FHIT: variants seen among roughly 807,000 people sequenced by gnomAD.
FHIT encodes fragile histidine triad diadenosine triphosphatase.
A neutral mutation model predicts 17.9 loss-of-function variants in FHIT; 19 were observed. That is an observed-to-expected ratio of 1.06 (90% CI 0.74 to 1.56). FHIT has a LOEUF of 1.56. FHIT is among the 40% of genes most tolerant of loss of function. The pLI is 0.00. For missense variants in FHIT, 248 were observed against 189.2 expected (o/e 1.31, Z -1.82); for synonymous variants, 81 against 69.7 (o/e 1.16, Z -0.81).
intron 8 of FHIT, among the ~76,000 whole-genome samples, chr3:59,875,890 T>C (rs548104654): frequency 1.3e-4 from 20 of 151,714 alleles, no homozygotes; most frequent in Non-Finnish European, 1.8e-4. Flanking sequence ...GTCAGAGTTT[T>C]TCCCAAGCAC....
intron 3 of FHIT, among the ~76,000 whole-genome samples, chr3:60,861,714 C>T (rs564008560): frequency 2.4e-4 from 37 of 151,672 alleles, no homozygotes; most frequent in Non-Finnish European, 5.0e-4. Flanking sequence ...TGAAATGACA[C>T]TAAAATTTAA....
Position 60,691,376 on chromosome 3 carries a change from C to CT in FHIT, c.-18+130542dup, listed in dbSNP as rs35786045. Among the ~76,000 whole-genome samples, 1,056 of 145,530 alleles carry CT rather than the reference C, an allele frequency of 7.3e-3. 11 individuals carry two copies. Among genetic ancestry groups the CT allele is most frequent in the African/African-American group, 0.022 (868 of 40,006 alleles). ...CCCCTCTTGATTTTTTCTTTTTCTTCTTTTTTTTTTTCTTGAGACAGGGTC... is the reference window on the plus strand; with the variant it reads ...CCCCTCTTGATTTTTTCTTTTTCTTCTTTTTTTTTTTTCTTGAGACAGGGTC... On this transcript the variant is annotated intron_variant, in intron 4 of 9. Transcript: ENST00000492590.
intron 5 of FHIT, among the ~76,000 whole-genome samples, chr3:60,289,122 A>G (rs1157945921): frequency 6.6e-6 from 1 of 152,194 alleles, no homozygotes; most frequent in African/African-American, 2.4e-5. Flanking sequence ...AATTTACTTT[A>G]AAAGAAAGAG....
At chr3:59,920,084 G>C (rs774511069) in intron 8 of FHIT, among the ~76,000 whole-genome samples, 8 of 152,196 alleles carry the variant, frequency 5.3e-5, no homozygotes, top group Non-Finnish European at 8.8e-5. Flanking sequence ...TTTGAATCTG[G>C]TTCTCTATTT....
At chr3:60,939,303 A>C (rs750424865) in intron 3 of FHIT, among the ~76,000 whole-genome samples, 2 of 152,192 alleles carry the variant, frequency 1.3e-5, no homozygotes, top group Non-Finnish European at 2.9e-5. Flanking sequence ...TGGTTAAAGG[A>C]TTTGCACACA....
chr3:61,089,294 C>G (rs1251724715), intron 2 of FHIT, among the ~76,000 whole-genome samples: 2 of 152,122 alleles, frequency 1.3e-5, no homozygotes, highest in African/African-American at 4.8e-5. Flanking sequence ...GCATTAAGTA[C>G]ATTCACAATG....
intron 8 of FHIT, among the ~76,000 whole-genome samples, chr3:59,814,045 T>TACATAC (rs1553685377): frequency 6.8e-6 from 1 of 146,772 alleles, no homozygotes; most frequent in African/African-American, 2.5e-5. Flanking sequence ...AATTTACACA[T>TACATAC]ACACACACAC....
At position 61,205,530 on chromosome 3, in the gene FHIT, G is replaced by A. The variant is rs1275367497; in HGVS notation, c.-212-4865C>T. Among the ~76,000 whole-genome samples, 6 of 152,246 alleles carry A rather than the reference G, an allele frequency of 3.9e-5. No homozygotes were observed. The East Asian group carries it at 9.6e-4, about 24-fold the overall frequency. On this transcript the variant is annotated intron_variant, in intron 1 of 9. Coordinates refer to ENST00000492590, the MANE Select transcript of FHIT (RefSeq NM_002012.4). ...ATTGCCATTCTAACTGGTGTGAGAT[G>A]GTATCTCATTGTGGTTTTGATTTGC...
At chr3:60,930,623 A>G (rs1471524278) in intron 3 of FHIT, among the ~76,000 whole-genome samples, 1 of 152,252 alleles carries the variant, frequency 6.6e-6, no homozygotes, top group African/African-American at 2.4e-5. Context: ...AATGCTGATC[A>G]TCACTGGCCA....
chr3:60,530,318 C>G (rs1576821343), intron 5 of FHIT, among the ~76,000 whole-genome samples: 1 of 152,136 alleles, frequency 6.6e-6, no homozygotes, highest in Non-Finnish European at 1.5e-5. Flanking sequence ...CATGTACATG[C>G]CTCAGGAACA....
intron 4 of FHIT, among the ~76,000 whole-genome samples, chr3:60,581,016 G>C (rs2037733271): frequency 6.6e-6 from 1 of 152,050 alleles, no homozygotes; most frequent in Non-Finnish European, 1.5e-5. Context: ...AGTTCTAATA[G>C]GATTCCAGGT....
At chr3:60,493,657 G>T (rs1381348698) in intron 5 of FHIT, among the ~76,000 whole-genome samples, 3 of 152,018 alleles carry the variant, frequency 2.0e-5, no homozygotes, top group East Asian at 3.9e-4. Context: ...TGGACATAAA[G>T]AAAAAAATCT....
intron 4 of FHIT, among the ~76,000 whole-genome samples, chr3:60,814,106 T>C (rs372283387): frequency 6.6e-6 from 1 of 152,206 alleles, no homozygotes; most frequent in Non-Finnish European, 1.5e-5. Context: ...ACAAAACTTA[T>C]TCATTTTGTC....
At chr3:60,747,622 T>C (rs1392991449) in intron 4 of FHIT, among the ~76,000 whole-genome samples, 2 of 152,192 alleles carry the variant, frequency 1.3e-5, no homozygotes, top group African/African-American at 4.8e-5. Context: ...AAATCTGTTA[T>C]AAGCAACAAA....
intron 2 of FHIT, among the ~76,000 whole-genome samples, chr3:61,084,943 T>C (rs59971851): frequency 0.04 from 6,131 of 152,310 alleles, 221 homozygotes; most frequent in African/African-American, 0.092. Flanking sequence ...CTTCACATAA[T>C]ACTTTTGAAG....
chr3:60,219,323 T>C (rs1285457347), intron 5 of FHIT, among the ~76,000 whole-genome samples: 1 of 152,132 alleles, frequency 6.6e-6, no homozygotes, highest in East Asian at 1.9e-4. Context: ...TGCTTTGTAA[T>C]AGCCCTATAC....
intron 4 of FHIT, among the ~76,000 whole-genome samples, chr3:60,654,687 A>G (rs977787676): frequency 2.0e-5 from 3 of 152,224 alleles, no homozygotes; most frequent in Non-Finnish European, 1.5e-5. Flanking sequence ...CTGATTCTAG[A>G]CACAATGTCT....
intron 3 of FHIT, among the ~76,000 whole-genome samples, chr3:61,014,554 C>T (rs1180502136): frequency 6.6e-6 from 1 of 151,412 alleles, no homozygotes; most frequent in Non-Finnish European, 1.5e-5. Flanking sequence ...CCGAGACGGG[C>T]AGATCATGAG....
chr3:60,654,201 C>T (rs2040063905), intron 4 of FHIT, among the ~76,000 whole-genome samples: 1 of 152,180 alleles, frequency 6.6e-6, no homozygotes, highest in Non-Finnish European at 1.5e-5. Context: ...CCTGCAGAAC[C>T]ATGAGCCAAT....
Sources: gnomAD v4.1 joint callset for allele counts (sites outside exome capture counted in the v4.1 genomes callset) on GRCh38, gnomAD v4.1.1 for gene constraint, MANE v1.5 for transcripts, NCBI Gene and HGNC (gene_info 2026-07-23, HGNC 2026-07-21) for gene names.